PIN4: variants seen among roughly 807,000 people sequenced by gnomAD.
PIN4 encodes the protein peptidylprolyl cis/trans isomerase, NIMA-interacting 4, also known as peptidyl-prolyl cis-trans isomerase NIMA-interacting 4.
Under a neutral mutation model 8.3 loss-of-function variants are expected in PIN4, and 3 were observed. That is an observed-to-expected ratio of 0.36 (90% CI 0.16 to 0.93). The LOEUF (loss-of-function observed/expected upper bound fraction) is 0.93. Ranked by LOEUF, PIN4 falls within the 40% of genes least tolerant of loss-of-function variation. The pLI is 0.44. For missense variants in PIN4, 75 were observed against 100.6 expected, an observed-to-expected ratio of 0.75 and a Z score of 1.09; for synonymous variants, 18 against 32.5, an observed-to-expected ratio of 0.55 and a Z score of 1.52.
intron 3 of PIN4, among the ~76,000 whole-genome samples, chrX:72,213,698 G>A (rs755472732): frequency 1.8e-5 from 2 of 112,050 alleles, no homozygotes; most frequent in East Asian, 2.8e-4. Context: ...CTAAGTGCCC[G>A]GGTTCGTCCT....
At chrX:72,240,873 T>G (rs1263506476) in intron 3 of PIN4, among the ~76,000 whole-genome samples, 1 of 111,106 alleles carries the variant, frequency 9.0e-6, no homozygotes, top group Non-Finnish European at 1.9e-5. Flanking sequence ...TTGTATGACT[T>G]TAAGGCCTTT....
At position 72,197,357 on chromosome X, in the gene PIN4, G is replaced by C. The variant is rs1463121993; in HGVS notation, c.238-11G>C. Reference sequence around the variant, plus strand: ...GGCCACTTGATATCACTTATCTTTTGGGTTTTTCAGGGTGACTTGGGTTGG... The same window carrying C: ...GGCCACTTGATATCACTTATCTTTTCGGTTTTTCAGGGTGACTTGGGTTGG... On this transcript the variant is annotated splice_polypyrimidine_tract_variant and intron_variant, in intron 3 of 3. Coordinates refer to ENST00000373669, the MANE Select transcript of PIN4 (RefSeq NM_006223.4). 1 of 1,193,872 alleles carries C rather than the reference G, an allele frequency of 8.4e-7. No homozygotes were observed. Among genetic ancestry groups the C allele is most frequent in the African/African-American group, 1.7e-5 (1 of 57,399 alleles).
intron 3 of PIN4, among the ~76,000 whole-genome samples, chrX:72,252,787 C>A (rs1264025842): frequency 2.7e-5 from 3 of 112,002 alleles, no homozygotes; most frequent in Non-Finnish European, 3.8e-5. Context: ...TAATACCATC[C>A]CGTTTTGGGT....
chrX:72,241,282 GA>G (rs931359772), intron 3 of PIN4, among the ~76,000 whole-genome samples: 2 of 111,309 alleles, frequency 1.8e-5, no homozygotes, highest in African/African-American at 6.5e-5. Flanking sequence ...TGTCATGAGG[GA>G]TCCTACTTCA....
At chrX:72,215,438 G>A (rs1343808220) in intron 3 of PIN4, among the ~76,000 whole-genome samples, 1 of 111,986 alleles carries the variant, frequency 8.9e-6, no homozygotes, top group African/African-American at 3.2e-5. Context: ...TTTATATGCT[G>A]AAGTGTTTAG....
chrX:72,251,057 T>A (rs188722807), intron 3 of PIN4, among the ~76,000 whole-genome samples: 7,065 of 102,726 alleles, frequency 0.069, 573 homozygotes, highest in African/African-American at 0.22. Flanking sequence ...TGCATTTTTT[T>A]AAAAAATATG....
intron 3 of PIN4, among the ~76,000 whole-genome samples, chrX:72,210,958 G>A (rs2042850714): frequency 9.0e-6 from 1 of 110,866 alleles, no homozygotes; most frequent in Non-Finnish European, 1.9e-5. Context: ...TTGGACCTAG[G>A]ATGGTATTCT....
intron 3 of PIN4, chrX:72,238,983 C>CTTGGAGA: frequency 1.9e-6 from 2 of 1,026,559 alleles, no homozygotes; most frequent in African/African-American, 1.9e-5. Flanking sequence ...GAGCTTGGAG[C>CTTGGAGA]TTAGAGTTTG....
chrX:72,186,332 A>G (rs1470006866), intron 1 of PIN4, 129 bp from the exon 2 acceptor site: 2 of 535,877 alleles, frequency 3.7e-6, no homozygotes, highest in Admixed American at 2.7e-5. Context: ...CCTTGTTGTA[A>G]AGTGTCTGGC....
chrX:72,189,813 C>A (rs1411618513), intron 2 of PIN4, among the ~76,000 whole-genome samples: 2 of 111,359 alleles, frequency 1.8e-5, no homozygotes, highest in African/African-American at 6.6e-5. Context: ...TGTAGTATGT[C>A]GAACCATTCA....
At chrX:72,208,106 C>A in intron 3 of PIN4, 1 of 1,211,765 alleles carries the variant, frequency 8.3e-7, no homozygotes. Flanking sequence ...TAGTCCCACA[C>A]AAACTCTTGG....
chrX:72,213,656 C>T (rs1055221018), intron 3 of PIN4, among the ~76,000 whole-genome samples: 2 of 112,351 alleles, frequency 1.8e-5, no homozygotes, highest in African/African-American at 6.5e-5. Flanking sequence ...CGCTCCCAAT[C>T]GGGCTAAAGG....
rs760382674 is a variant in PIN4, at chrX:72,198,259, CCATATTTATGA to C, written c.*739_*749del. On this transcript the variant is annotated 3_prime_UTR_variant, in exon 4 of 4. Coordinates refer to ENST00000373669, the MANE Select transcript of PIN4 (RefSeq NM_006223.4). The stretch of plus-strand genomic sequence containing the variant: ...ATCTAAATTTTTAAAATTTAAAATG[CCATATTTATGA>C]CATATAAAAAAGTATAAAGATTACT... 4,381 of 720,799 alleles carry C rather than the reference CCATATTTATGA, an allele frequency of 6.1e-3. 13 individuals carry two copies. Among genetic ancestry groups the C allele is most frequent in the Non-Finnish European group, 6.8e-3 (4,173 of 609,785 alleles). The allele number at this position is 720,799 out of a possible 1,213,427, so 59.4% of individuals were successfully genotyped here.
downstream of PIN4, among the ~76,000 whole-genome samples, chrX:72,199,620 A>G (rs1211360345): frequency 2.7e-5 from 3 of 112,550 alleles, no homozygotes; most frequent in Admixed American, 2.8e-4. Context: ...ATGAGACACT[A>G]CCAAGCTAGA....
At chrX:72,238,589 G>C (rs765011234) in intron 3 of PIN4, among the ~76,000 whole-genome samples, 1 of 112,595 alleles carries the variant, frequency 8.9e-6, no homozygotes, top group Non-Finnish European at 1.9e-5. Context: ...ATTAATTAAG[G>C]CTCCTCTGGC....
intron 3 of PIN4, chrX:72,239,179 C>T (rs1191968232): frequency 3.9e-5 from 14 of 360,786 alleles, no homozygotes; most frequent in Non-Finnish European, 6.4e-5. Context: ...TGATCTCTGC[C>T]TTCGAGACAC....
intron 3 of PIN4, among the ~76,000 whole-genome samples, chrX:72,217,849 A>G (rs2042895157): frequency 9.0e-6 from 1 of 111,370 alleles, no homozygotes; most frequent in Non-Finnish European, 1.9e-5. Context: ...TCTTGCTTCT[A>G]TTCCATTGAT....
chrX:72,190,065 T>G (rs2042723830), intron 2 of PIN4, among the ~76,000 whole-genome samples: 1 of 110,809 alleles, frequency 9.0e-6, no homozygotes, highest in Non-Finnish European at 1.9e-5. Flanking sequence ...CCAATCCTGT[T>G]CCTCTGTTCT....
chrX:72,244,216 A>G (rs1010449208), intron 3 of PIN4, among the ~76,000 whole-genome samples: 5 of 111,960 alleles, frequency 4.5e-5, no homozygotes, highest in African/African-American at 1.3e-4. Flanking sequence ...ATAATCACAC[A>G]AACACTTGGA....
Sources: gnomAD v4.1 joint callset for allele counts (sites outside exome capture counted in the v4.1 genomes callset) on GRCh38, gnomAD v4.1.1 for gene constraint, MANE v1.5 for transcripts, NCBI Gene and HGNC (gene_info 2026-07-23, HGNC 2026-07-21) for gene names.